JHY: variants seen among roughly 807,000 people sequenced by gnomAD.
JHY encodes the protein jhy protein homolog.
A neutral mutation model predicts 78.0 loss-of-function variants in JHY; 69 were observed. The observed-to-expected ratio is 0.88, with a 90% CI of 0.73 to 1.08. The LOEUF is 1.08. Ranked by LOEUF, JHY falls within the 50% of genes least tolerant of loss-of-function variation. The pLI is 0.00. For missense variants in JHY, 944 were observed against 927.8 expected, an observed-to-expected ratio of 1.02 and a Z score of -0.23; for synonymous variants, 368 against 342.6, an observed-to-expected ratio of 1.07 and a Z score of -0.82.
rs144181220 is a variant in JHY at position 122,922,533 on chromosome 11, T to C, written c.865-2364T>C. ...TCAAGGTAAACAGCAGAGGGGAGGC[T>C]GGGCACGGTGGCTCACGCCTGTAAT... On this transcript the variant is annotated intron_variant, in intron 3 of 8. Transcript: ENST00000227349. 8.0e-3 allele frequency among the ~76,000 whole-genome samples: 1,203 copies of C among 150,606 alleles called. 18 individuals are homozygous for C. Among genetic ancestry groups the C allele is most frequent in the African/African-American group, 0.027 (1,095 of 41,070 alleles).
chr11:122,940,771 A>G (rs973573214), intron 5 of JHY, among the ~76,000 whole-genome samples: 1 of 152,132 alleles, frequency 6.6e-6, no homozygotes, highest in African/African-American at 2.4e-5. Flanking sequence ...ATCAATACCT[A>G]TACATTTATT....
Position 122,904,064 on chromosome 11 carries a change from C to A in JHY, c.484C>A (p.Pro162Thr). The A allele has an allele frequency of 6.2e-7, 1 of 1,614,154 alleles. No individual in the cohort carries two copies. Among genetic ancestry groups the A allele is most frequent in the African/African-American group, 1.3e-5 (1 of 75,032 alleles). The change falls in exon 3 of 9, where the codon CCC becomes ACC. Residue 162 changes from proline to threonine, a missense_variant. Coordinates refer to ENST00000227349, the MANE Select transcript of JHY (RefSeq NM_024806.4). ...DSSLENLPLA[P>T]LYPSQETSME... ...CTCTTTAGAAAATCTGCCTTTGGCTCCCCTCTACCCTTCCCAGGAGACGTC... is the reference window on the plus strand; with the variant it reads ...CTCTTTAGAAAATCTGCCTTTGGCTACCCTCTACCCTTCCCAGGAGACGTC...
At chr11:122,911,435 A>G (rs1863122284) in intron 3 of JHY, among the ~76,000 whole-genome samples, 1 of 152,196 alleles carries the variant, frequency 6.6e-6, no homozygotes, top group South Asian at 2.1e-4. Context: ...AGCACCAAAT[A>G]TGTATTAAAT....
chr11:122,955,817 C>T (rs1045832398), intron 6 of JHY, among the ~76,000 whole-genome samples: 3 of 152,154 alleles, frequency 2.0e-5, no homozygotes, highest in African/African-American at 7.2e-5. Flanking sequence ...CTTCACTTCT[C>T]TTCTGGATTG....
intron 4 of JHY, among the ~76,000 whole-genome samples, chr11:122,926,283 G>GAGCC (rs59462208): frequency 0.23 from 35,254 of 151,744 alleles, 4,600 homozygotes; most frequent in Non-Finnish European, 0.3. Flanking sequence ...CGTGTATGTG[G>GAGCC]ACCCTTGGAC....
Position 122,940,373 on chromosome 11 carries a change from A to G in JHY, c.1634+5298A>G, listed in dbSNP as rs980442177. On this transcript the variant is annotated intron_variant, in intron 5 of 8. Transcript: ENST00000227349. Reference sequence around the variant, plus strand: ...AAAAAAATCTAGAACAAATTATCCAATGCTCACTTTTCATTGTTTTCTATA... The same window carrying G: ...AAAAAAATCTAGAACAAATTATCCAGTGCTCACTTTTCATTGTTTTCTATA... 2.6e-5 allele frequency among the ~76,000 whole-genome samples: 4 copies of G among 152,084 alleles called. No individual in the cohort carries two copies. In the South Asian group the frequency reaches 6.2e-4, roughly 24 times the overall value.
Position 122,959,436 on chromosome 11 carries a change from C to T in JHY, c.2328C>T (p.His776=). Residue 776 remains histidine, a synonymous_variant, in exon 9 of 9, where the codon CAC becomes CAT. Coordinates refer to ENST00000227349, the MANE Select transcript of JHY (RefSeq NM_024806.4). ...KQAVAAFKVL[H]IV is the part of the protein sequence containing the mutation. ...CTGTGGCTGCTTTCAAAGTCCTTCA[C>T]ATCGTATAGACAACATTTGATAGGA... The T allele has an allele frequency of 1.2e-6, 2 of 1,614,072 alleles. No homozygotes were observed. Among genetic ancestry groups the T allele is most frequent in the Non-Finnish European group, 1.7e-6 (2 of 1,179,946 alleles).
intron 3 of JHY, among the ~76,000 whole-genome samples, chr11:122,915,406 G>A (rs1031086351): frequency 1.3e-5 from 2 of 152,300 alleles, no homozygotes; most frequent in African/African-American, 2.4e-5. Context: ...CAAGAAACCC[G>A]GAAGAAAAGG....
chr11:122,951,290 G>A (rs767673153), intron 6 of JHY, among the ~76,000 whole-genome samples: 7 of 152,208 alleles, frequency 4.6e-5, no homozygotes, highest in Non-Finnish European at 8.8e-5. Flanking sequence ...GGGATCAAGG[G>A]ATGGCAAACA....
chr11:122,887,447 C>G (rs938473709), intron 2 of JHY, among the ~76,000 whole-genome samples: 3 of 152,028 alleles, frequency 2.0e-5, no homozygotes, highest in African/African-American at 7.2e-5. Flanking sequence ...CTCAGCCTCC[C>G]GAGTAGCTGG....
chr11:122,889,443 C>T (rs2135281999), intron 2 of JHY, among the ~76,000 whole-genome samples: 1 of 152,164 alleles, frequency 6.6e-6, no homozygotes, highest in Non-Finnish European at 1.5e-5. Context: ...GGCTTTATTC[C>T]AGAACAATAT....
At position 122,917,813 on chromosome 11, in the gene JHY, T is replaced by C. The variant is rs902544133; in HGVS notation, c.865-7084T>C. 9.9e-5 allele frequency among the ~76,000 whole-genome samples: 15 copies of C among 152,236 alleles called. No homozygotes were observed. Among genetic ancestry groups the C allele is most frequent in the African/African-American group, 3.6e-4 (15 of 41,466 alleles). On this transcript the variant is annotated intron_variant, in intron 3 of 8. Coordinates refer to ENST00000227349, the MANE Select transcript of JHY (RefSeq NM_024806.4). The surrounding 1 kb of genome is among the most constrained non-coding windows in gnomAD (Gnocchi z 4.1). Reference sequence around the variant, plus strand: ...GATTGCTGGATAATCAGTCTTTCTGTAAGTTATATGAGATATTCCTAAAAA... The same window carrying C: ...GATTGCTGGATAATCAGTCTTTCTGCAAGTTATATGAGATATTCCTAAAAA...
At chr11:122,918,460 G>C (rs1863282008) in intron 3 of JHY, among the ~76,000 whole-genome samples, 1 of 151,436 alleles carries the variant, frequency 6.6e-6, no homozygotes, top group Non-Finnish European at 1.5e-5. Context: ...CCATGAGGCA[G>C]AGTCTCCCTG....
chr11:122,917,303 G>A lies in JHY; in HGVS notation c.865-7594G>A, dbSNP rs1863252211. The stretch of plus-strand genomic sequence containing the variant: ...TAGAAAATGTCACTTCATCCAGTGA[G>A]TTAGTTAAGGAGAAGGTGGATAGTG... On this transcript the variant is annotated intron_variant, in intron 3 of 8. Coordinates refer to ENST00000227349, the MANE Select transcript of JHY (RefSeq NM_024806.4). This position sits in a 1 kb window ranked among gnomAD's most constrained non-coding sequence, Gnocchi z 4.1. 6.6e-6 allele frequency among the ~76,000 whole-genome samples: 1 copy of A among 152,230 alleles called. No individual in the cohort carries two copies. The highest frequency in any genetic ancestry group is 6.5e-5 in the Admixed American group (1 of 15,286).
chr11:122,952,394 C>T (rs1001412749), intron 6 of JHY, among the ~76,000 whole-genome samples: 5 of 152,130 alleles, frequency 3.3e-5, no homozygotes, highest in East Asian at 1.9e-4. Flanking sequence ...AGATTACTTG[C>T]GCCAACCTTA....
chr11:122,957,596 T>C, intron 8 of JHY, 105 bp downstream of exon 8: 1 of 1,251,030 alleles, frequency 8.0e-7, no homozygotes, highest in Non-Finnish European at 1.1e-6. Flanking sequence ...AGTCTTGCCG[T>C]CTTGCCCAGG....
At position 122,918,804 on chromosome 11, in the gene JHY, A is replaced by G. The variant is rs569725886; in HGVS notation, c.865-6093A>G. ...CATTCAGAGCATAGCACAGGTGAGT[A>G]GTACCCGTAGAGCTATACAGCAAGA... On this transcript the variant is annotated intron_variant, in intron 3 of 8. Coordinates refer to ENST00000227349, the MANE Select transcript of JHY (RefSeq NM_024806.4). Among the ~76,000 whole-genome samples the G allele has an allele frequency of 6.6e-5, 10 of 151,438 alleles. No individual in the cohort carries two copies. In the South Asian group the frequency reaches 2.1e-3, roughly 31 times the overall value.
At chr11:122,904,767 C>G (rs891730023) in intron 3 of JHY, among the ~76,000 whole-genome samples, 2 of 152,202 alleles carry the variant, frequency 1.3e-5, no homozygotes, top group Non-Finnish European at 2.9e-5. Context: ...ATCCGAAATT[C>G]TCCATTCAAA....
At chr11:122,941,066 T>C (rs186213834) in intron 5 of JHY, among the ~76,000 whole-genome samples, 78 of 152,310 alleles carry the variant, frequency 5.1e-4, no homozygotes, top group African/African-American at 1.9e-3. Flanking sequence ...CATAGTAATA[T>C]GTTCTAGGTT....
Sources: gnomAD v4.1 joint callset for allele counts (sites outside exome capture counted in the v4.1 genomes callset) on GRCh38, gnomAD v4.1.1 for gene constraint, Gnocchi (gnomAD v3.1) non-coding constraint, MANE v1.5 for transcripts, NCBI Gene and HGNC (gene_info 2026-07-23, HGNC 2026-07-21) for gene names.